SLC35D4: variants seen among roughly 807,000 people sequenced by gnomAD.
The protein encoded by SLC35D4 is solute carrier family 35 member D4.
the SLC35D4 span, among the ~76,000 whole-genome samples, chr18:23,267,910 T>C: frequency 6.6e-6 from 1 of 152,198 alleles, no homozygotes; most frequent in Non-Finnish European, 1.5e-5. Flanking sequence ...ATGGTTTCAA[T>C]TCAACTGCAA....
the SLC35D4 span, chr18:23,373,687 G>A: frequency 6.2e-7 from 1 of 1,612,672 alleles, no homozygotes. Context: ...ACACTTTGAA[G>A]GCAAATGAGT....
the SLC35D4 span, among the ~76,000 whole-genome samples, chr18:23,386,289 TG>T: frequency 6.6e-6 from 1 of 152,064 alleles, no homozygotes; most frequent in African/African-American, 2.4e-5. Flanking sequence ...GATTATTGGG[TG>T]GGCCCTAAAT....
the SLC35D4 span, among the ~76,000 whole-genome samples, chr18:23,360,150 T>C: frequency 6.6e-6 from 1 of 152,210 alleles, no homozygotes; most frequent in African/African-American, 2.4e-5. Context: ...CTGACAATGT[T>C]AAATGCTGGT....
At chr18:23,328,630 C>T in the SLC35D4 span, among the ~76,000 whole-genome samples, 982 of 152,236 alleles carry the variant, frequency 6.5e-3, 10 homozygotes, top group African/African-American at 0.023. Context: ...CCATACTGCC[C>T]AAGGTAATTT....
the SLC35D4 span, among the ~76,000 whole-genome samples, chr18:23,288,419 C>T: frequency 6.6e-6 from 1 of 152,184 alleles, no homozygotes; most frequent in Admixed American, 6.5e-5. Flanking sequence ...AAGGATTATT[C>T]AGGCCCCGTC....
the SLC35D4 span, among the ~76,000 whole-genome samples, chr18:23,253,328 TA>T: frequency 6.6e-6 from 1 of 152,020 alleles, no homozygotes; most frequent in East Asian, 1.9e-4. Context: ...ACTAAAAATT[TA>T]AAAATTAGCC....
the SLC35D4 span, among the ~76,000 whole-genome samples, chr18:23,286,258 A>G: frequency 5.4e-3 from 826 of 152,100 alleles, 3 homozygotes; most frequent in Non-Finnish European, 6.2e-3. Flanking sequence ...ACTTCCAAAC[A>G]CCTAAACCGC....
the SLC35D4 span, among the ~76,000 whole-genome samples, chr18:23,429,040 A>G: frequency 6.6e-6 from 1 of 152,242 alleles, no homozygotes. Context: ...TTACGGCTGC[A>G]TAGTATTCCA....
the SLC35D4 span, among the ~76,000 whole-genome samples, chr18:23,373,170 C>T: frequency 6.6e-6 from 1 of 152,142 alleles, no homozygotes; most frequent in South Asian, 2.1e-4. Flanking sequence ...AAAAAATTAG[C>T]TGGGCATGGT....
the SLC35D4 span, among the ~76,000 whole-genome samples, chr18:23,387,860 AT>A: frequency 2.0e-5 from 3 of 151,828 alleles, no homozygotes; most frequent in East Asian, 5.8e-4. Context: ...TTCCTCTTAA[AT>A]TTTTAGATTT....
chr18:23,260,405 C>A, the SLC35D4 span: 2 of 152,252 alleles, frequency 1.3e-5, no homozygotes, highest in South Asian at 4.1e-4. Flanking sequence ...AGCTTCCTTC[C>A]CCTCCATGTC....
chr18:23,246,529 C>T, the SLC35D4 span, among the ~76,000 whole-genome samples: 9 of 151,972 alleles, frequency 5.9e-5, no homozygotes, highest in East Asian at 1.6e-3. Context: ...GTAGCTGGGA[C>T]TACAGGCACC....
At chr18:23,312,856 G>C in the SLC35D4 span, among the ~76,000 whole-genome samples, 7 of 152,008 alleles carry the variant, frequency 4.6e-5, no homozygotes, top group Non-Finnish European at 8.8e-5. Flanking sequence ...AACCGGGCGC[G>C]GTGGCTCATG....
the SLC35D4 span, among the ~76,000 whole-genome samples, chr18:23,339,757 T>A: frequency 6.6e-6 from 1 of 152,188 alleles, no homozygotes; most frequent in African/African-American, 2.4e-5. Flanking sequence ...GTCTCAGAGA[T>A]GGCACTTTCT....
the SLC35D4 span, among the ~76,000 whole-genome samples, chr18:23,298,997 T>C: frequency 6.6e-6 from 1 of 152,220 alleles, no homozygotes; most frequent in Non-Finnish European, 1.5e-5. Context: ...TCACGCTACA[T>C]ACCCTGTGAA....
the SLC35D4 span, among the ~76,000 whole-genome samples, chr18:23,308,848 TTC>T: frequency 0.024 from 3,365 of 139,786 alleles, 43 homozygotes; most frequent in Non-Finnish European, 0.025. Context: ...AGCACGTGTT[TTC>T]TCTCTCTCTC....
chr18:23,275,726 T>C, the SLC35D4 span, among the ~76,000 whole-genome samples: 4 of 152,030 alleles, frequency 2.6e-5, no homozygotes, highest in Non-Finnish European at 1.5e-5. Flanking sequence ...CCAACTCTTA[T>C]AGGGGGTCAA....
the SLC35D4 span, among the ~76,000 whole-genome samples, chr18:23,348,475 C>A: frequency 6.6e-6 from 1 of 152,160 alleles, no homozygotes; most frequent in Non-Finnish European, 1.5e-5. Context: ...ATCTATTTAT[C>A]TTTTCTATTA....
the SLC35D4 span, among the ~76,000 whole-genome samples, chr18:23,286,929 TCCC>T: frequency 6.6e-6 from 1 of 151,456 alleles, no homozygotes; most frequent in South Asian, 2.1e-4. Context: ...TCCTCTTGTA[TCCC>T]CCCACCTTAA....
Sources: allele counts gnomAD v4.1 joint callset (sites outside exome capture counted in the v4.1 genomes callset), GRCh38; gene constraint gnomAD v4.1.1; transcripts MANE v1.5; gene names NCBI Gene and HGNC (gene_info 2026-07-23, HGNC 2026-07-21).